BLTP3A: variants seen among roughly 807,000 people sequenced by gnomAD.
BLTP3A encodes the protein bridge-like lipid transfer protein family member 3A.
chr6:34,800,169 T>C, the BLTP3A span, among the ~76,000 whole-genome samples: 1 of 152,208 alleles, frequency 6.6e-6, no homozygotes, highest in Non-Finnish European at 1.5e-5. Context: ...GTTAGGCCTT[T>C]AGAGGATTTA....
At chr6:34,867,205 T>G in the BLTP3A span, 1 of 1,591,358 alleles carries the variant, frequency 6.3e-7, no homozygotes. Context: ...TTAAATTCAT[T>G]TGTCCTCTTT....
the BLTP3A span, among the ~76,000 whole-genome samples, chr6:34,847,656 T>C: frequency 2.6e-5 from 4 of 151,920 alleles, no homozygotes; most frequent in Admixed American, 6.6e-5. Flanking sequence ...TTTTTGTCTC[T>C]GATTTTATTT....
At chr6:34,872,001 G>T in the BLTP3A span, 1 of 1,454,356 alleles carries the variant, frequency 6.9e-7, no homozygotes, top group South Asian at 1.2e-5. Context: ...ACCCGGGGTT[G>T]GGGGGCAAAA....
At chr6:34,874,729 G>A in the BLTP3A span, 1 of 152,272 alleles carries the variant, frequency 6.6e-6, no homozygotes. Flanking sequence ...GTGCTGCTGT[G>A]GCCAAAAGCC....
At chr6:34,875,080 T>C in the BLTP3A span, 2 of 152,632 alleles carry the variant, frequency 1.3e-5, no homozygotes, top group East Asian at 3.8e-4. Context: ...GCACTTCTCA[T>C]AGCAAATCAG....
chr6:34,819,060 A>G, the BLTP3A span, among the ~76,000 whole-genome samples: 5 of 152,114 alleles, frequency 3.3e-5, no homozygotes, highest in African/African-American at 1.2e-4. Context: ...ACAAAATACC[A>G]TTCATGATTG....
At chr6:34,858,015 G>GT in the BLTP3A span, 1 of 1,556,444 alleles carries the variant, frequency 6.4e-7, no homozygotes, top group East Asian at 2.3e-5. Flanking sequence ...TTTTGTGGAA[G>GT]TAAGAAAATA....
chr6:34,876,239 A>G, the BLTP3A span: 1 of 152,526 alleles, frequency 6.6e-6, no homozygotes, highest in Non-Finnish European at 1.5e-5. Flanking sequence ...TCTTTACCAT[A>G]TATTTCACCT....
chr6:34,875,355 G>A, the BLTP3A span: 1 of 152,136 alleles, frequency 6.6e-6, no homozygotes, highest in African/African-American at 2.4e-5. Context: ...AGGAGATCTG[G>A]TAGCTGGAAA....
the BLTP3A span, among the ~76,000 whole-genome samples, chr6:34,833,215 A>G: frequency 6.6e-6 from 1 of 152,122 alleles, no homozygotes; most frequent in Non-Finnish European, 1.5e-5. Context: ...TCATATATGC[A>G]GGTCCCTCAG....
At chr6:34,872,266 A>G in the BLTP3A span, 1 of 1,561,396 alleles carries the variant, frequency 6.4e-7, no homozygotes, top group East Asian at 2.2e-5. Context: ...CGGTTGTTGC[A>G]AGATGGTATT....
chr6:34,850,639 T>A, the BLTP3A span, among the ~76,000 whole-genome samples: 2 of 152,232 alleles, frequency 1.3e-5, no homozygotes, highest in African/African-American at 4.8e-5. Flanking sequence ...TCAATTCTGC[T>A]TTTGAGACTC....
the BLTP3A span, chr6:34,857,009 T>A: frequency 6.5e-7 from 1 of 1,533,274 alleles, no homozygotes; most frequent in Non-Finnish European, 8.8e-7. Flanking sequence ...AAACAAAGTT[T>A]TGGAATTTGG....
the BLTP3A span, chr6:34,859,162 A>G: frequency 2.5e-6 from 4 of 1,614,204 alleles, no homozygotes; most frequent in South Asian, 4.4e-5. Context: ...CTTGGAGGAA[A>G]GTAGCATTGA....
the BLTP3A span, among the ~76,000 whole-genome samples, chr6:34,862,844 A>C: frequency 8.3e-3 from 1,257 of 151,702 alleles, 19 homozygotes; most frequent in African/African-American, 0.026. Flanking sequence ...AAAAAAAAAA[A>C]AAACCAAAAA....
At chr6:34,799,987 A>G in the BLTP3A span, among the ~76,000 whole-genome samples, 3 of 152,058 alleles carry the variant, frequency 2.0e-5, no homozygotes, top group African/African-American at 7.2e-5. Context: ...TTTGGAAATC[A>G]CATTTCTTAG....
chr6:34,858,343 A>C, the BLTP3A span: 1 of 1,614,148 alleles, frequency 6.2e-7, no homozygotes, highest in Non-Finnish European at 8.5e-7. Context: ...CCTTCTGCAC[A>C]TGCTTTTTTT....
the BLTP3A span, among the ~76,000 whole-genome samples, chr6:34,863,347 C>T: frequency 6.6e-6 from 1 of 152,156 alleles, no homozygotes; most frequent in African/African-American, 2.4e-5. Context: ...CCATTGCTCT[C>T]CCTGACAAAA....
At chr6:34,867,060 TAATTCCTTA>T in the BLTP3A span, among the ~76,000 whole-genome samples, 654 of 150,268 alleles carry the variant, frequency 4.4e-3, 2 homozygotes, top group African/African-American at 0.015. Context: ...AAATTAAGAG[TAATTCCTTA>T]AATTCATCAA....
Sources: gnomAD v4.1 joint callset for allele counts (sites outside exome capture counted in the v4.1 genomes callset) on GRCh38, gnomAD v4.1.1 for gene constraint, MANE v1.5 for transcripts, NCBI Gene and HGNC (gene_info 2026-07-23, HGNC 2026-07-21) for gene names.